The following DAPK1 variants were observed in gnomAD, a reference collection of about 807,000 sequenced individuals.
The protein encoded by DAPK1 is death associated protein kinase 1.
Under a neutral mutation model 144.9 loss-of-function variants are expected in DAPK1, and 56 were observed. The ratio of observed to expected loss-of-function variants is 0.39; its 90% CI spans 0.31 to 0.48. DAPK1 has a LOEUF of 0.48. DAPK1 is among the 20% of genes least tolerant of loss of function. The probability of loss-of-function intolerance (pLI) is 0.95; values close to 1 mark genes in which losing one functional copy is unlikely to be tolerated. For synonymous variants in DAPK1, 690 were observed against 749.0 expected, an observed-to-expected ratio of 0.92 and a Z score of 1.29; for missense variants, 1,454 against 1,875.4, an observed-to-expected ratio of 0.78 and a Z score of 4.15.
intron 21 of DAPK1, among the ~76,000 whole-genome samples, 166 bp from the exon 22 acceptor site, chr9:87,696,841 A>T (rs553781331): frequency 1.3e-5 from 2 of 152,308 alleles, no homozygotes; most frequent in East Asian, 1.9e-4. Flanking sequence ...TATGAGTTTT[A>T]GTGGGGAACA....
chr9:87,595,621 C>T (rs963589644), intron 2 of DAPK1, among the ~76,000 whole-genome samples: 5 of 152,310 alleles, frequency 3.3e-5, no homozygotes, highest in South Asian at 2.1e-4. Flanking sequence ...GCGTGGAGCC[C>T]GACCCACGCT....
At chr9:87,562,065 C>T (rs193036849) in intron 2 of DAPK1, among the ~76,000 whole-genome samples, 21 of 152,170 alleles carry the variant, frequency 1.4e-4, no homozygotes, top group African/African-American at 4.6e-4. Flanking sequence ...AGAGATGCAT[C>T]GCTGCCCTGA....
chr9:87,570,240 CA>C (rs1166139165), intron 2 of DAPK1, among the ~76,000 whole-genome samples: 2 of 152,168 alleles, frequency 1.3e-5, no homozygotes, highest in East Asian at 3.8e-4. Flanking sequence ...CATATGTACA[CA>C]AGACACACTT....
chr9:87,498,855 G>A (rs1587659078), intron 1 of DAPK1, 115 bp from the exon 2 acceptor site: 2 of 519,678 alleles, frequency 3.8e-6, no homozygotes, highest in South Asian at 3.1e-5. Context: ...CCCGCGAGGA[G>A]GGGCAGCTCC....
At chr9:87,526,811 C>G (rs757857515) in intron 2 of DAPK1, among the ~76,000 whole-genome samples, 9 of 152,162 alleles carry the variant, frequency 5.9e-5, no homozygotes, top group Admixed American at 3.3e-4. Context: ...CTTGGTTATT[C>G]TCTCCTCTCT....
At chr9:87,639,913 G>C (rs1830038446) in intron 7 of DAPK1, 98 bp downstream of exon 7, 1 of 1,303,500 alleles carries the variant, frequency 7.7e-7, no homozygotes, top group Non-Finnish European at 1.1e-6. Flanking sequence ...TTCAGCTTAT[G>C]CATGCTTTTG....
intron 20 of DAPK1, among the ~76,000 whole-genome samples, chr9:87,682,901 A>G (rs557702356): frequency 6.6e-6 from 1 of 152,184 alleles, no homozygotes; most frequent in South Asian, 2.1e-4. Flanking sequence ...CACCCTGCAT[A>G]AGGAATTCAC....
Position 87,697,139 on chromosome 9 carries a change from A to G in DAPK1, c.2546A>G (p.Gln849Arg). ...VFSLEEPYEI[Q>R]LNQVIFWLSF... ...AGTCTAGAAGAGCCCTATGAGATCC[A>G]GCTGAACCAAGTGATTTTCTGGCTC... Residue 849 changes from glutamine to arginine, a missense_variant, in exon 22 of 26, where the codon CAG becomes CGG. Gln to Arg is a conservative substitution (Grantham distance 43). Around this residue, in one of 2 missense-constraint regions of DAPK1, gnomAD observed 1,025 missense variants for 1,237.9 expected, o/e 0.83. Transcript: ENST00000408954. 6.3e-7 allele frequency: 1 copy of G among 1,581,440 alleles called. No homozygotes were observed. The highest frequency in any genetic ancestry group is 1.1e-5 in the South Asian group (1 of 90,434).
At chr9:87,660,889 G>A (rs1184304024) in intron 18 of DAPK1, among the ~76,000 whole-genome samples, 2 of 152,128 alleles carry the variant, frequency 1.3e-5, no homozygotes, top group Non-Finnish European at 2.9e-5. Flanking sequence ...CTCTTCGCCA[G>A]GCTGGAATGC....
At chr9:87,586,967 C>T (rs1167855665) in intron 2 of DAPK1, among the ~76,000 whole-genome samples, 1 of 152,262 alleles carries the variant, frequency 6.6e-6, no homozygotes, top group Non-Finnish European at 1.5e-5. Context: ...ATTTCACCCA[C>T]CTGTCCAGTG....
At chr9:87,554,710 C>A (rs984430543) in intron 2 of DAPK1, among the ~76,000 whole-genome samples, 1 of 152,158 alleles carries the variant, frequency 6.6e-6, no homozygotes, top group African/African-American at 2.4e-5. Flanking sequence ...CAACCTGGAC[C>A]CAAATGAGCA....
In DAPK1 at chr9:87,571,476, A is replaced by ACCCCAACACACAC. The variant is rs771023885; in HGVS notation, c.63-33478_63-33477insCCCCAACACACAC. Among the ~76,000 whole-genome samples, 67 of 48,554 alleles carry ACCCCAACACACAC rather than the reference A, an allele frequency of 1.4e-3. 6 individuals carry two copies. Among genetic ancestry groups the ACCCCAACACACAC allele is most frequent in the Middle Eastern group, 0.011 (1 of 92 alleles). 31.9% of individuals were successfully genotyped at this position (48,554 alleles called of 152,430 possible). A position where few individuals can be genotyped will look rare whatever the true frequency, so the allele number is the denominator to read the frequency against. On this transcript the variant is annotated intron_variant, in intron 2 of 25. Coordinates refer to ENST00000408954, the MANE Select transcript of DAPK1 (RefSeq NM_004938.4). ...ACACACACACACACACACACACACC[A>ACCCCAACACACAC]ACACACACACACACACACCCCAACA... is the stretch of plus-strand genomic sequence containing the variant.
At position 87,686,831 on chromosome 9, in the gene DAPK1, C is replaced by A; in HGVS notation, c.2413+92C>A. On this transcript the variant is annotated intron_variant, in intron 21 of 25. Transcript: ENST00000408954. This position sits in a 1 kb window ranked among gnomAD's most constrained non-coding sequence, Gnocchi z 4.2. ...AAAGGGAGCTTGTCCTGAGCTGTAT[C>A]TGTCACTTCCAGAAGGAAATCCAAC... is the stretch of plus-strand genomic sequence containing the variant. 1 of 1,395,324 alleles carries A rather than the reference C, an allele frequency of 7.2e-7. No homozygotes were observed. Among genetic ancestry groups the A allele is most frequent in the Non-Finnish European group, 9.6e-7 (1 of 1,037,854 alleles). 86.4% of individuals were successfully genotyped at this position (1,395,324 alleles called of 1,614,324 possible).
chr9:87,646,368 C>T (rs1353369574), intron 12 of DAPK1, 93 bp from the exon 13 acceptor site: 2 of 912,858 alleles, frequency 2.2e-6, no homozygotes, highest in Non-Finnish European at 1.8e-6. Context: ...TCTGTTGAGA[C>T]AGGGGAAGGT....
At chr9:87,674,889 C>G (rs914146820) in intron 19 of DAPK1, among the ~76,000 whole-genome samples, 4 of 152,112 alleles carry the variant, frequency 2.6e-5, no homozygotes, top group African/African-American at 9.7e-5. Context: ...GGAGATTTAC[C>G]AGGGCTTCAA....
intron 2 of DAPK1, among the ~76,000 whole-genome samples, chr9:87,545,077 A>G (rs559391310): frequency 1.3e-5 from 2 of 152,224 alleles, no homozygotes; most frequent in Non-Finnish European, 2.9e-5. Flanking sequence ...TTGCCTTCCT[A>G]TCTGGAAGAT....
chr9:87,531,392 G>A (rs1271955815), intron 2 of DAPK1, among the ~76,000 whole-genome samples: 1 of 152,180 alleles, frequency 6.6e-6, no homozygotes, highest in African/African-American at 2.4e-5. Context: ...TTTCTTCATA[G>A]AGTATACTTT....
chr9:87,645,068 C>G (rs567155661), intron 11 of DAPK1, among the ~76,000 whole-genome samples: 79 of 152,308 alleles, frequency 5.2e-4, no homozygotes, highest in Non-Finnish European at 1.1e-3. Context: ...CATTCTCCCC[C>G]ACAAGCAGAG....
At chr9:87,601,157 C>T (rs1180879596) in intron 2 of DAPK1, among the ~76,000 whole-genome samples, 3 of 152,244 alleles carry the variant, frequency 2.0e-5, no homozygotes, top group Non-Finnish European at 4.4e-5. Flanking sequence ...AATTCACCAA[C>T]AGTCCAATTC....
Sources: allele counts gnomAD v4.1 joint callset (sites outside exome capture counted in the v4.1 genomes callset), GRCh38; gene constraint gnomAD v4.1.1; regional missense constraint gnomAD v4.1.1; non-coding constraint Gnocchi (gnomAD v3.1); transcripts MANE v1.5; gene names NCBI Gene and HGNC (gene_info 2026-07-23, HGNC 2026-07-21).